The following MSH3 variants were observed in gnomAD, a reference collection of about 807,000 sequenced individuals.
The protein encoded by MSH3 is DNA mismatch repair protein Msh3.
A neutral mutation model predicts 123.3 loss-of-function variants in MSH3; 106 were observed. That is an observed-to-expected ratio of 0.86 (90% CI 0.73 to 1.01). MSH3 has a LOEUF of 1.01. Among genes scored for constraint, MSH3 ranks in the 50% least tolerant of loss-of-function variants. The pLI is 0.00. For synonymous variants in MSH3, 515 were observed against 481.4 expected, an observed-to-expected ratio of 1.07 and a Z score of -0.91; for missense variants, 1,459 against 1,347.6, an observed-to-expected ratio of 1.08 and a Z score of -1.29.
intron 8 of MSH3, among the ~76,000 whole-genome samples, chr5:80,709,970 C>T (rs1430555650): frequency 3.3e-5 from 5 of 152,186 alleles, no homozygotes; most frequent in African/African-American, 1.2e-4. Flanking sequence ...TTCCTTAATG[C>T]TGGTAGCTTC....
chr5:80,675,027 G>A lies in MSH3; in HGVS notation c.1072G>A (p.Glu358Lys). 6.2e-7 allele frequency: 1 copy of A among 1,612,498 alleles called. No individual in the cohort carries two copies. Among genetic ancestry groups the A allele is most frequent in the Non-Finnish European group, 8.5e-7 (1 of 1,178,742 alleles). Residue 358 changes from glutamate to lysine, a missense_variant, in exon 7 of 24, where the codon GAG becomes AAG. Physicochemically the swap from Glu to Lys is moderately conservative, Grantham distance 56. Coordinates refer to ENST00000265081, the MANE Select transcript of MSH3 (RefSeq NM_002439.5). ...IKLDDAVNVD[E>K]IMTDTSTSYL... ...GCTGGATGATGCTGTAAATGTTGATGAGATAATGACTGATACTTCTACCAG... is the reference window on the plus strand; with the variant it reads ...GCTGGATGATGCTGTAAATGTTGATAAGATAATGACTGATACTTCTACCAG...
At position 80,775,775 on chromosome 5, in the gene MSH3, T is replaced by C. The variant is rs1444280649; in HGVS notation, c.2318+17T>C. On this transcript the variant is annotated intron_variant, in intron 16 of 23. Coordinates refer to ENST00000265081, the MANE Select transcript of MSH3 (RefSeq NM_002439.5). ...GGTTGGAAGGTAGGTTTAAAATAAA[T>C]TTTTTTCTTACAATGCATTATGATG... is the stretch of plus-strand genomic sequence containing the variant. The C allele has an allele frequency of 1.8e-5, 27 of 1,491,596 alleles. No homozygotes were observed. The highest frequency in any genetic ancestry group is 2.5e-5 in the Non-Finnish European group (27 of 1,069,584). 92.4% of individuals were successfully genotyped at this position (1,491,596 alleles called of 1,614,324 possible).
At chr5:80,853,629 A>G (rs1260450502) in intron 20 of MSH3, among the ~76,000 whole-genome samples, 1 of 152,224 alleles carries the variant, frequency 6.6e-6, no homozygotes, top group Non-Finnish European at 1.5e-5. Flanking sequence ...TGTCCAAGGT[A>G]TCAAACGTCT....
chr5:80,865,275 A>G (rs1163240788), intron 22 of MSH3, among the ~76,000 whole-genome samples: 1 of 152,162 alleles, frequency 6.6e-6, no homozygotes, highest in African/African-American at 2.4e-5. Context: ...AGTACAGATG[A>G]CAGTCACCTG....
chr5:80,697,933 G>A (rs769388706), intron 8 of MSH3, among the ~76,000 whole-genome samples: 6 of 151,718 alleles, frequency 4.0e-5, no homozygotes, highest in Non-Finnish European at 8.8e-5. Context: ...TTTTTGAGAC[G>A]GGGTCTCACT....
At chr5:80,715,455 A>G (rs944190604) in intron 8 of MSH3, 1 of 151,510 alleles carries the variant, frequency 6.6e-6, no homozygotes, top group East Asian at 1.9e-4. Context: ...TTTCTTTACT[A>G]TTTTCTGCTT....
chr5:80,850,436 A>C (rs1745811000), intron 20 of MSH3, among the ~76,000 whole-genome samples: 1 of 152,196 alleles, frequency 6.6e-6, no homozygotes, highest in South Asian at 2.1e-4. Context: ...GAGGCTGGGC[A>C]GTTTACAAAA....
chr5:80,741,370 C>G, intron 10 of MSH3, 94 bp from the exon 11 acceptor site: 4 of 822,180 alleles, frequency 4.9e-6, no homozygotes, highest in Non-Finnish European at 8.3e-6. Context: ...CTAATTTTTG[C>G]CATAATGTAG....
rs1427170285 is a variant in MSH3 at position 80,873,160 on chromosome 5, A to G, written c.3175A>G (p.Ile1059Val). Residue 1059 changes from isoleucine (I) to valine (V), a missense_variant, in exon 23 of 24, where the codon ATA (isoleucine) becomes GTA (valine). Coordinates refer to ENST00000265081, the MANE Select transcript of MSH3 (RefSeq NM_002439.5). ...TGATTTTGTCACCTTCCTTTACCAA[A>G]TAACTAGAGGAATTGCAGCAAGGAG... is the stretch of plus-strand genomic sequence containing the variant. ...VPDFVTFLYQ[I>V]TRGIAARSYG... 6 of 1,613,844 alleles carry G rather than the reference A, an allele frequency of 3.7e-6. No homozygotes were observed. The highest frequency in any genetic ancestry group is 5.1e-6 in the Non-Finnish European group (6 of 1,179,780).
intron 12 of MSH3, 54 bp from the exon 13 acceptor site, chr5:80,761,492 C>G: frequency 1.1e-5 from 17 of 1,604,998 alleles, no homozygotes; most frequent in Admixed American, 1.7e-5. Flanking sequence ...TGGGAAATGT[C>G]TATATTCTGA....
At chr5:80,808,671 A>G (rs1744945430) in intron 19 of MSH3, among the ~76,000 whole-genome samples, 1 of 151,872 alleles carries the variant, frequency 6.6e-6, no homozygotes, top group African/African-American at 2.4e-5. Context: ...AAGTTCAAAT[A>G]AACTAAAAAC....
chr5:80,694,935 A>G (rs181061682), intron 8 of MSH3, among the ~76,000 whole-genome samples: 7 of 137,658 alleles, frequency 5.1e-5, no homozygotes, highest in Non-Finnish European at 1.1e-4. Context: ...AAGTTTAATT[A>G]TGTGTCATGG....
At chr5:80,791,025 A>G (rs914305010) in intron 18 of MSH3, among the ~76,000 whole-genome samples, 1 of 152,210 alleles carries the variant, frequency 6.6e-6, no homozygotes, top group Non-Finnish European at 1.5e-5. Flanking sequence ...CCAGTTAGTC[A>G]TTCAATAGGA....
chr5:80,791,738 T>C (rs1309508388), intron 18 of MSH3, among the ~76,000 whole-genome samples: 2 of 152,210 alleles, frequency 1.3e-5, no homozygotes, highest in South Asian at 4.1e-4. Context: ...AAATAAACTT[T>C]GAATTTTTTA....
intron 22 of MSH3, among the ~76,000 whole-genome samples, chr5:80,872,073 G>GT (rs1252578822): frequency 1.2e-4 from 19 of 152,232 alleles, no homozygotes; most frequent in Middle Eastern, 3.4e-3. Context: ...ACAGAATCCG[G>GT]TATGTATAGC....
intron 11 of MSH3, 31 bp downstream of exon 11, chr5:80,741,579 A>AATTAT: frequency 1.3e-6 from 2 of 1,531,540 alleles, no homozygotes; most frequent in Non-Finnish European, 1.8e-6. Context: ...AGTTGATTAT[A>AATTAT]AATCGTTTTG....
chr5:80,814,911 T>G (rs1378540745), intron 20 of MSH3, among the ~76,000 whole-genome samples: 2 of 152,254 alleles, frequency 1.3e-5, no homozygotes, highest in Non-Finnish European at 2.9e-5. Context: ...CGTAGTTTAA[T>G]CTGTTTAACA....
intron 12 of MSH3, among the ~76,000 whole-genome samples, chr5:80,747,355 A>G (rs921294142): frequency 6.6e-6 from 1 of 152,172 alleles, no homozygotes; most frequent in African/African-American, 2.4e-5. Context: ...GCGCCGAATC[A>G]TGTATCTCTG....
At chr5:80,875,383 T>A (rs1488670029) in intron 23 of MSH3, among the ~76,000 whole-genome samples, 1 of 152,210 alleles carries the variant, frequency 6.6e-6, no homozygotes, top group Non-Finnish European at 1.5e-5. Flanking sequence ...TGTTTTCGGT[T>A]GGTGTTACTT....
Sources: gnomAD v4.1 joint callset for allele counts (sites outside exome capture counted in the v4.1 genomes callset) on GRCh38, gnomAD v4.1.1 for gene constraint, MANE v1.5 for transcripts, NCBI Gene and HGNC (gene_info 2026-07-23, HGNC 2026-07-21) for gene names.